The following TRIM39 variants were observed in gnomAD, a reference collection of about 807,000 sequenced individuals.
TRIM39 encodes the protein tripartite motif containing 39.
In TRIM39, 5 loss-of-function variants were observed where a neutral mutation model predicts 53.6. That is an observed-to-expected ratio of 0.09 (90% confidence interval 0.05 to 0.20). The LOEUF (loss-of-function observed/expected upper bound fraction) is 0.20. Among genes scored for constraint, TRIM39 ranks in the 10% least tolerant of loss-of-function variants. TRIM39 has a pLI of 1.00. For missense variants in TRIM39, 310 were observed against 621.0 expected (o/e 0.50, Z 5.32); for synonymous variants, 196 against 237.6 (o/e 0.82, Z 1.61).
rs1222045365 is a variant in TRIM39 at position 30,335,888 on chromosome 6, T to C, written c.693T>C (p.Ala231=). The change falls in exon 5 of 8, where the codon GCT becomes GCC. Residue 231 remains alanine, a synonymous_variant. Coordinates refer to ENST00000396551, the Ensembl canonical transcript of TRIM39. This position sits in a 1 kb window ranked among gnomAD's most constrained non-coding sequence, Gnocchi z 4.7. ...TGCAGCGACTCCGAGAAAATGCTGC[T>C]CACCTTGGGGACAAGCGCCGGGACC... 6.2e-7 allele frequency: 1 copy of C among 1,612,520 alleles called. No homozygotes were observed. Among genetic ancestry groups the C allele is most frequent in the Non-Finnish European group, 8.5e-7 (1 of 1,179,960 alleles).
In TRIM39 at chr6:30,342,262, G is replaced by C; in HGVS notation, c.*3G>C. On this transcript the variant is annotated 3_prime_UTR_variant, in exon 8 of 8. Transcript: ENST00000396551. This position sits in a 1 kb window ranked among gnomAD's most constrained non-coding sequence, Gnocchi z 4.7. ...GGCCCCCAACAGATTGGGAGTGACA[G>C]GTTGGGATGTGGGAATGACTGGGGT... 1.2e-6 allele frequency: 2 copies of C among 1,611,964 alleles called. No individual in the cohort carries two copies. Among genetic ancestry groups the C allele is most frequent in the East Asian group, 2.2e-5 (1 of 44,870 alleles).
At chr6:30,340,397 A>G in intron 6 of TRIM39, 108 bp from the exon 7 acceptor site, 4 of 1,610,624 alleles carry the variant, frequency 2.5e-6, no homozygotes, top group Non-Finnish European at 2.5e-6. Flanking sequence ...AAGTGGGAAG[A>G]TGGAGAATTT....
chr6:30,342,781 C>T lies in TRIM39; in HGVS notation c.*522C>T, dbSNP rs923194188. ...AGTTTTTCTGAGGGCAGAGATTGGA[C>T]ATCAACAAGGCTAGAAGGGTCAGGG... On this transcript the variant is annotated 3_prime_UTR_variant, in exon 8 of 8. Transcript: ENST00000396551. The surrounding 1 kb of genome is among the most constrained non-coding windows in gnomAD (Gnocchi z 4.7). The T allele has an allele frequency of 6.2e-6, 1 of 161,040 alleles. No homozygotes were observed. Among genetic ancestry groups the T allele is most frequent in the Non-Finnish European group, 1.4e-5 (1 of 73,554 alleles). The allele number at this position is 161,040 out of a possible 1,614,324, so 10.0% of individuals were successfully genotyped here.
At chr6:30,329,251 A>G in intron 2 of TRIM39, 60 bp from the exon 3 acceptor site, 1 of 1,523,590 alleles carries the variant, frequency 6.6e-7, no homozygotes, top group African/African-American at 1.4e-5. Context: ...CAAAAAAAAA[A>G]AAAAGAAAAA....
At chr6:30,332,257 A>T (rs1335004570) in intron 4 of TRIM39, among the ~76,000 whole-genome samples, 1 of 152,230 alleles carries the variant, frequency 6.6e-6, no homozygotes, top group Non-Finnish European at 1.5e-5. Flanking sequence ...ACTGGGGAAC[A>T]ATGATGAGCA....
At chr6:30,341,338 T>C (rs551394586) in intron 7 of TRIM39, 56 of 550,990 alleles carry the variant, frequency 1.0e-4, no homozygotes, top group Non-Finnish European at 1.8e-4. Flanking sequence ...GACCATATGC[T>C]GTCTTGCTCG....
intron 2 of TRIM39, 49 bp from the exon 3 acceptor site, chr6:30,329,262 A>T: frequency 1.3e-6 from 2 of 1,529,386 alleles, no homozygotes; most frequent in South Asian, 1.3e-5. Flanking sequence ...AAAAGAAAAA[A>T]CCTCCAATTA....
chr6:30,330,385 C>T (rs1441385280), intron 3 of TRIM39, among the ~76,000 whole-genome samples: 1 of 152,118 alleles, frequency 6.6e-6, no homozygotes, highest in African/African-American at 2.4e-5. Flanking sequence ...AGTATAATAA[C>T]CATGTTTTTA....
At chr6:30,341,529 A>G in intron 7 of TRIM39, 183 bp from the exon 8 acceptor site, 1 of 897,936 alleles carries the variant, frequency 1.1e-6, no homozygotes. Context: ...TCAGGGTGAG[A>G]AGTGAGCCAT....
chr6:30,329,592 A>G (rs770499903), exon 3 of TRIM39: 1 of 1,613,094 alleles, frequency 6.2e-7, no homozygotes, highest in Non-Finnish European at 8.5e-7. Flanking sequence ...GAAATTGCCA[A>G]GCAGCTCCAG....
At chr6:30,329,733 C>G in exon 3 of TRIM39, 1 of 1,613,026 alleles carries the variant, frequency 6.2e-7, no homozygotes. Context: ...CGGGCCCACA[C>G]CGTTGTGCCA....
At chr6:30,330,000 A>C (rs1397247891) in intron 3 of TRIM39, among the ~76,000 whole-genome samples, 1 of 152,208 alleles carries the variant, frequency 6.6e-6, no homozygotes, top group Admixed American at 6.5e-5. Context: ...TGTGAGTCTT[A>C]TGGGTGAATA....
At chr6:30,343,663 G>A (rs1254366432) in exon 8 of TRIM39, 2 of 152,652 alleles carry the variant, frequency 1.3e-5, no homozygotes, top group African/African-American at 4.8e-5. Flanking sequence ...TGCCTTGACT[G>A]TGGTTCTTTG....
At chr6:30,340,225 G>A (rs1787340243) in intron 6 of TRIM39, 4 of 1,513,814 alleles carry the variant, frequency 2.6e-6, no homozygotes, top group Middle Eastern at 1.7e-4. Flanking sequence ...CAGGAGGAAG[G>A]GGTTGGGAGA....
intron 7 of TRIM39, 135 bp from the exon 8 acceptor site, chr6:30,341,577 G>T (rs543772905): frequency 7.4e-7 from 1 of 1,349,202 alleles, no homozygotes; most frequent in African/African-American, 1.5e-5. Flanking sequence ...CATGGATTGA[G>T]AAAGTTAACC....
chr6:30,337,176 G>C (rs7767817), intron 5 of TRIM39, among the ~76,000 whole-genome samples: 42,665 of 152,060 alleles, frequency 0.28, 6,378 homozygotes, highest in East Asian at 0.48. Context: ...GCCAAGGCAG[G>C]TGGATCACCT....
rs1233899495 is a variant in TRIM39 at position 30,342,801 on chromosome 6, T to G, written c.*542T>G. On this transcript the variant is annotated 3_prime_UTR_variant, in exon 8 of 8. Coordinates refer to ENST00000396551, the Ensembl canonical transcript of TRIM39. This position sits in a 1 kb window ranked among gnomAD's most constrained non-coding sequence, Gnocchi z 4.7. ...TTGGACATCAACAAGGCTAGAAGGG[T>G]CAGGGAAGTGGGCTAAAGGAACAGA... 6.4e-6 allele frequency: 1 copy of G among 156,210 alleles called. No individual in the cohort carries two copies. The highest frequency in any genetic ancestry group is 1.4e-5 in the Non-Finnish European group (1 of 70,764). 9.7% of individuals were successfully genotyped at this position (156,210 alleles called of 1,614,324 possible). A position where few individuals can be genotyped will look rare whatever the true frequency, so the allele number is the denominator to read the frequency against.
rs1156939568 is a variant in TRIM39 at position 30,339,729 on chromosome 6, G to A, written c.781-179G>A. Among the ~76,000 whole-genome samples the A allele has an allele frequency of 6.6e-6, 1 of 152,150 alleles. No homozygotes were observed. The highest frequency in any genetic ancestry group is 1.5e-5 in the Non-Finnish European group (1 of 68,036). On this transcript the variant is annotated intron_variant, in intron 5 of 7. Coordinates refer to ENST00000396551, the Ensembl canonical transcript of TRIM39. The surrounding 1 kb of genome is among the most constrained non-coding windows in gnomAD (Gnocchi z 4.2). ...CATGATGACCAGAAGTTGAAAGTAG[G>A]GATTAGGTTGGGAGAAGTGCATTCA...
chr6:30,336,102 G>A (rs1363165161), intron 5 of TRIM39, 127 bp downstream of exon 5: 7 of 1,411,098 alleles, frequency 5.0e-6, no homozygotes, highest in African/African-American at 1.4e-5. Context: ...TTTCTGCCAG[G>A]TGTACTCAAA....
Sources: gnomAD v4.1 joint callset for allele counts (sites outside exome capture counted in the v4.1 genomes callset) on GRCh38, gnomAD v4.1.1 for gene constraint, Gnocchi (gnomAD v3.1) non-coding constraint, MANE v1.5 for transcripts, NCBI Gene and HGNC (gene_info 2026-07-23, HGNC 2026-07-21) for gene names.